Variants in ZDHHC22 observed in about 807,000 individuals in gnomAD.
ZDHHC22 encodes zDHHC palmitoyltransferase 22, also known as palmitoyltransferase ZDHHC22.
Under a neutral mutation model 17.0 loss-of-function variants are expected in ZDHHC22, and 13 were observed. That is an observed-to-expected ratio of 0.76 (90% confidence interval 0.50 to 1.21). The LOEUF (loss-of-function observed/expected upper bound fraction) is 1.21. ZDHHC22 is among the 50% of genes most tolerant of loss of function. The probability of loss-of-function intolerance (pLI) is 0.00; values close to 1 mark genes in which losing one functional copy is unlikely to be tolerated. For synonymous variants in ZDHHC22, 138 were observed against 154.7 expected, an observed-to-expected ratio of 0.89 and a Z score of 0.80; for missense variants, 319 against 342.3, an observed-to-expected ratio of 0.93 and a Z score of 0.54.
chr14:77,134,648 C>T (rs11849379), intron 2 of ZDHHC22, among the ~76,000 whole-genome samples: 1,878 of 152,292 alleles, frequency 0.012, 30 homozygotes, highest in African/African-American at 0.043. Flanking sequence ...GTCATCAGCC[C>T]TGTGTCGTGG....
intron 2 of ZDHHC22, among the ~76,000 whole-genome samples, chr14:77,134,299 T>G (rs1313115228): frequency 6.6e-6 from 1 of 152,124 alleles, no homozygotes; most frequent in African/African-American, 2.4e-5. Context: ...TCTCTCTGCT[T>G]TCTCCTTTTG....
chr14:77,138,660 G>C, intron 2 of ZDHHC22, among the ~76,000 whole-genome samples: 1 of 152,184 alleles, frequency 6.6e-6, no homozygotes, highest in Non-Finnish European at 1.5e-5. Flanking sequence ...AAACATAATA[G>C]GCAGGAGGAC....
In ZDHHC22 at chr14:77,139,529, C is replaced by G. The variant is rs1418905307; in HGVS notation, c.210G>C (p.Gln70His). ...NALGNYVLVIQNSPDDLGACQ... is the reference protein window; with the variant it reads ...NALGNYVLVIHNSPDDLGACQ... ...AGGCCCCCAGGTCGTCTGGGGAGTT[C>G]TGGATGACAAGGACGTAATTGCCCA... The change falls in exon 2 of 3, where the codon CAG becomes CAC. Residue 70 changes from glutamine to histidine, a missense_variant. Coordinates refer to ENST00000319374, the MANE Select transcript of ZDHHC22 (RefSeq NM_174976.2). 1.2e-6 allele frequency: 2 copies of G among 1,609,910 alleles called. No individual in the cohort carries two copies. The highest frequency in any genetic ancestry group is 3.3e-4 in the Middle Eastern group (2 of 6,056).
In ZDHHC22 at chr14:77,139,257, G is replaced by C. The variant is rs1887196059; in HGVS notation, c.482C>G (p.Ala161Gly). The C allele has an allele frequency of 6.3e-7, 1 of 1,594,086 alleles. No individual in the cohort carries two copies. The highest frequency in any genetic ancestry group is 1.8e-5 in the Admixed American group (1 of 56,624). The part of the protein sequence containing the change: ...VLSISFAHPL[A>G]FLTLLPTSIS... ...GGAGGTGGGCAGGAGCGTGAGGAAG[G>C]CCAAGGGGTGGGCGAAGGAGATGGA... The change falls in exon 2 of 3, where the codon GCC (alanine) becomes GGC (glycine). Residue 161 changes from alanine (A) to glycine (G), a missense_variant. Transcript: ENST00000319374.
At position 77,132,816 on chromosome 14, in the gene ZDHHC22, T is replaced by TCTCTCTCTCTCTCTCTCTCTCTCTCACA; in HGVS notation, c.*866_*867insTGTGAGAGAGAGAGAGAGAGAGAGAGAG. The TCTCTCTCTCTCTCTCTCTCTCTCTCACA allele has an allele frequency of 1.9e-3, 195 of 104,578 alleles. 4 individuals carry two copies. The highest frequency in any genetic ancestry group is 2.7e-3 in the South Asian group (7 of 2,566). The allele number at this position is 104,578 out of a possible 1,614,324, so 6.5% of individuals were successfully genotyped here. On this transcript the variant is annotated 3_prime_UTR_variant, in exon 3 of 3. Transcript: ENST00000319374. ...CCACCCATCTCTCTCTCTCTCTCTC[T>TCTCTCTCTCTCTCTCTCTCTCTCTCACA]CACACACACACACACACACACACAC...
chr14:77,133,785 C>T lies in ZDHHC22; in HGVS notation c.690G>A (p.Trp230Ter). 1 of 1,614,024 alleles carries T rather than the reference C, an allele frequency of 6.2e-7. No homozygotes were observed. Among genetic ancestry groups the T allele is most frequent in the Non-Finnish European group, 8.5e-7 (1 of 1,179,906 alleles). Residue 230 changes from tryptophan to a stop codon, truncating the protein, a stop_gained, in exon 3 of 3, where the codon TGG (tryptophan) becomes TGA (stop). Transcript: ENST00000319374. LOFTEE classifies it high-confidence loss of function. Reference protein sequence around the residue: ...RKGVAVRARPWRKNLQEVFGK... With the variant: ...RKGVAVRARP ...CGAAGACCTCTTGTAAGTTCTTGCG[C>T]CAGGGCCGGGCCCTCACTGCCACCC...
intron 2 of ZDHHC22, among the ~76,000 whole-genome samples, chr14:77,136,509 C>T (rs931270898): frequency 6.6e-6 from 1 of 152,128 alleles, no homozygotes; most frequent in Non-Finnish European, 1.5e-5. Context: ...TCTCCATTTC[C>T]CAGATAAGAA....
In ZDHHC22 at chr14:77,139,503, C is replaced by T; in HGVS notation, c.236G>A (p.Cys79Tyr). Reference sequence around the variant, plus strand: ...AGTCTTCCTGGCCGAGGCCCCCTGGCAGGCCCCCAGGTCGTCTGGGGAGTT... The same window carrying T: ...AGTCTTCCTGGCCGAGGCCCCCTGGTAGGCCCCCAGGTCGTCTGGGGAGTT... ...IQNSPDDLGACQGASARKTPC... is the reference protein window; with the variant it reads ...IQNSPDDLGAYQGASARKTPC... The change falls in exon 2 of 3, where the codon TGC becomes TAC. Residue 79 changes from cysteine to tyrosine, a missense_variant. Coordinates refer to ENST00000319374, the MANE Select transcript of ZDHHC22 (RefSeq NM_174976.2). 1 of 1,612,080 alleles carries T rather than the reference C, an allele frequency of 6.2e-7. No individual in the cohort carries two copies. The highest frequency in any genetic ancestry group is 8.5e-7 in the Non-Finnish European group (1 of 1,179,200).
chr14:77,139,998 C>T (rs1479992655), intron 1 of ZDHHC22, among the ~76,000 whole-genome samples: 2 of 152,138 alleles, frequency 1.3e-5, no homozygotes, highest in African/African-American at 4.8e-5. Flanking sequence ...TGAGCGAGCT[C>T]GGCGCCTTGG....
chr14:77,139,138 G>A (rs918002545), intron 2 of ZDHHC22, 75 bp downstream of exon 2: 1 of 1,473,316 alleles, frequency 6.8e-7, no homozygotes, highest in African/African-American at 1.4e-5. Context: ...TTTGGGGTTG[G>A]GGTTTGGGGC....
chr14:77,133,646 A>AAGACAG lies in ZDHHC22; in HGVS notation c.*31_*36dup. ...CATGGTTTTATGCTCAGGAGGAGTC[A>AAGACAG]AGACAGAGACAGAGAGATAAATGAC... On this transcript the variant is annotated 3_prime_UTR_variant, in exon 3 of 3. Coordinates refer to ENST00000319374, the MANE Select transcript of ZDHHC22 (RefSeq NM_174976.2). The AAGACAG allele has an allele frequency of 6.3e-7, 1 of 1,587,322 alleles. No individual in the cohort carries two copies. Among genetic ancestry groups the AAGACAG allele is most frequent in the Non-Finnish European group, 8.6e-7 (1 of 1,166,198 alleles).
At chr14:77,137,178 T>G (rs766970126) in intron 2 of ZDHHC22, among the ~76,000 whole-genome samples, 1 of 151,906 alleles carries the variant, frequency 6.6e-6, no homozygotes, top group Non-Finnish European at 1.5e-5. Context: ...GAAAGGAAGG[T>G]CCTCAAGAGG....
Position 77,139,559 on chromosome 14 carries a change from G to A in ZDHHC22, c.180C>T (p.Asn60=), listed in dbSNP as rs761736820. Residue 60 remains asparagine, a synonymous_variant, in exon 2 of 3, where the codon AAC becomes AAT. Transcript: ENST00000319374. ...HGALFLFLSA[N]ALGNYVLVIQ... ...TGACAAGGACGTAATTGCCCAGGGCGTTGGCCGAGAGGAATAGGAAGAGCG... is the reference window on the plus strand; with the variant it reads ...TGACAAGGACGTAATTGCCCAGGGCATTGGCCGAGAGGAATAGGAAGAGCG... The A allele has an allele frequency of 3.7e-6, 6 of 1,603,912 alleles. No homozygotes were observed. The highest frequency in any genetic ancestry group is 3.3e-4 in the Middle Eastern group (2 of 6,048).
intron 1 of ZDHHC22, 114 bp from the exon 2 acceptor site, chr14:77,139,866 C>A (rs1887218162): frequency 8.9e-6 from 10 of 1,122,994 alleles, no homozygotes; most frequent in African/African-American, 1.6e-5. Flanking sequence ...ACGCCCCCAA[C>A]CCCCTGTCCC....
intron 2 of ZDHHC22, among the ~76,000 whole-genome samples, 158 bp from the exon 3 acceptor site, chr14:77,134,106 A>T (rs1357773057): frequency 2.0e-5 from 3 of 152,088 alleles, no homozygotes; most frequent in African/African-American, 4.8e-5. Flanking sequence ...AGTGAGGGAG[A>T]GGAAGGAAGA....
At chr14:77,138,748 C>T (rs564850101) in intron 2 of ZDHHC22, among the ~76,000 whole-genome samples, 66 of 152,250 alleles carry the variant, frequency 4.3e-4, no homozygotes, top group Non-Finnish European at 7.5e-4. Flanking sequence ...CTCTGGAGAG[C>T]AGAGTCCTTG....
chr14:77,139,123 C>T, intron 2 of ZDHHC22, 90 bp downstream of exon 2: 1 of 1,400,190 alleles, frequency 7.1e-7, no homozygotes, highest in Non-Finnish European at 9.5e-7. Context: ...CTAAATCTGG[C>T]AACTTTTGGG....
At chr14:77,134,627 AG>A (rs1407954352) in intron 2 of ZDHHC22, among the ~76,000 whole-genome samples, 2 of 152,210 alleles carry the variant, frequency 1.3e-5, no homozygotes, top group Non-Finnish European at 2.9e-5. Flanking sequence ...TTGCTAGAAG[AG>A]GCCCCCAAGG....
chr14:77,134,006 A>G (rs1369238458), intron 2 of ZDHHC22, 58 bp from the exon 3 acceptor site: 2 of 1,489,962 alleles, frequency 1.3e-6, no homozygotes, highest in Non-Finnish European at 1.8e-6. Flanking sequence ...CCACCGGCAT[A>G]ACTGCGATCT....
Sources: gnomAD v4.1 joint callset for allele counts (sites outside exome capture counted in the v4.1 genomes callset) on GRCh38, gnomAD v4.1.1 for gene constraint, MANE v1.5 for transcripts, NCBI Gene and HGNC (gene_info 2026-07-23, HGNC 2026-07-21) for gene names.